Variants in ASTN2 observed in about 807,000 individuals in gnomAD.
ASTN2 encodes astrotactin 2.
A neutral mutation model predicts 139.8 loss-of-function variants in ASTN2; 54 were observed. That is an observed-to-expected ratio of 0.39 (90% confidence interval 0.31 to 0.48). The LOEUF (loss-of-function observed/expected upper bound fraction) is 0.48. ASTN2 is among the 20% of genes least tolerant of loss of function. The probability of loss-of-function intolerance (pLI) is 0.95; values close to 1 mark genes in which losing one functional copy is unlikely to be tolerated. For missense variants in ASTN2, 1,565 were observed against 1,725.1 expected, an observed-to-expected ratio of 0.91 and a Z score of 1.64; for synonymous variants, 756 against 719.5, an observed-to-expected ratio of 1.05 and a Z score of -0.81.
chr9:116,655,580 A>G (rs1190104848), intron 16 of ASTN2, among the ~76,000 whole-genome samples: 1 of 151,932 alleles, frequency 6.6e-6, no homozygotes, highest in Admixed American at 6.6e-5. Flanking sequence ...CTTCCACCCC[A>G]TCTCCAGCCC....
chr9:117,091,549 A>G (rs907450715), intron 5 of ASTN2, among the ~76,000 whole-genome samples: 4 of 151,938 alleles, frequency 2.6e-5, no homozygotes, highest in Admixed American at 6.6e-5. Context: ...AAAATATGCC[A>G]TTTAAGTGGA....
At chr9:116,693,646 C>T (rs1443700815) in intron 16 of ASTN2, among the ~76,000 whole-genome samples, 1 of 152,104 alleles carries the variant, frequency 6.6e-6, no homozygotes, top group East Asian at 1.9e-4. Context: ...AAGTGCACAA[C>T]AGGAAACAGA....
intron 5 of ASTN2, among the ~76,000 whole-genome samples, chr9:117,055,307 C>T (rs988729844): frequency 3.9e-5 from 6 of 152,282 alleles, no homozygotes; most frequent in East Asian, 3.9e-4. Context: ...AAGCGTGAAC[C>T]ATTAGGTATA....
chr9:116,742,191 G>A (rs1161929672), intron 13 of ASTN2, among the ~76,000 whole-genome samples: 3 of 152,348 alleles, frequency 2.0e-5, no homozygotes, highest in East Asian at 3.9e-4. Context: ...ACTTTGCAGT[G>A]TTTCAAGCTG....
chr9:117,391,926 C>G (rs952197659), intron 1 of ASTN2, among the ~76,000 whole-genome samples: 1 of 152,116 alleles, frequency 6.6e-6, no homozygotes, highest in Non-Finnish European at 1.5e-5. Flanking sequence ...GTCTGAAATC[C>G]GGCAGAATAG....
chr9:117,186,966 T>G (rs1449083959), intron 3 of ASTN2, among the ~76,000 whole-genome samples: 1 of 151,892 alleles, frequency 6.6e-6, no homozygotes, highest in East Asian at 1.9e-4. Flanking sequence ...CCATCTCTAC[T>G]AAAAACACAA....
intron 16 of ASTN2, among the ~76,000 whole-genome samples, chr9:116,676,844 TC>T (rs1178420832): frequency 7.2e-5 from 11 of 152,306 alleles, no homozygotes; most frequent in South Asian, 4.1e-4. Context: ...CTGAGGTTTT[TC>T]CCCCCATGGT....
intron 5 of ASTN2, among the ~76,000 whole-genome samples, chr9:117,065,680 C>T (rs7032395): frequency 0.14 from 20,587 of 152,116 alleles, 1,447 homozygotes; most frequent in East Asian, 0.19. Flanking sequence ...TGAGTATAAA[C>T]AAGTGACCTA....
At chr9:116,882,828 T>TAAAA (rs201560268) in intron 10 of ASTN2, among the ~76,000 whole-genome samples, 2 of 144,414 alleles carry the variant, frequency 1.4e-5, no homozygotes, top group Non-Finnish European at 3.0e-5. Flanking sequence ...CCTTGACTCT[T>TAAAA]AAAAAAAAAA....
intron 13 of ASTN2, among the ~76,000 whole-genome samples, chr9:116,763,015 A>G (rs541491926): frequency 1.8e-4 from 27 of 152,324 alleles, no homozygotes; most frequent in African/African-American, 6.5e-4. Flanking sequence ...AACTACTTCA[A>G]TTCCATGACT....
chr9:117,074,532 G>T (rs1037698595), intron 5 of ASTN2, among the ~76,000 whole-genome samples: 5 of 152,216 alleles, frequency 3.3e-5, no homozygotes, highest in African/African-American at 1.2e-4. Flanking sequence ...GTTTGTGGAA[G>T]TGTGAGCAGA....
chr9:117,354,176 CTG>C (rs1400785397), intron 1 of ASTN2, among the ~76,000 whole-genome samples: 2 of 152,112 alleles, frequency 1.3e-5, no homozygotes, highest in Admixed American at 6.6e-5. Context: ...AAGGAACTCT[CTG>C]TACTTCCTGC....
chr9:116,653,110 G>A (rs1223966636), intron 16 of ASTN2, among the ~76,000 whole-genome samples: 8 of 152,192 alleles, frequency 5.3e-5, no homozygotes, highest in Non-Finnish European at 1.5e-5. Flanking sequence ...GAGATCAGGG[G>A]CCATGGCTCC....
chr9:116,649,966 C>T (rs1178081296), intron 17 of ASTN2, among the ~76,000 whole-genome samples: 2 of 152,150 alleles, frequency 1.3e-5, no homozygotes, highest in East Asian at 3.9e-4. Context: ...ATGTTCTTTT[C>T]TTCCTTAGGT....
intron 2 of ASTN2, among the ~76,000 whole-genome samples, chr9:117,230,431 C>T (rs1326226509): frequency 6.6e-6 from 1 of 152,180 alleles, no homozygotes; most frequent in Non-Finnish European, 1.5e-5. Flanking sequence ...CTCTCCATCT[C>T]CTCTTCTTCT....
At chr9:117,193,503 T>C (rs1413433008) in intron 3 of ASTN2, among the ~76,000 whole-genome samples, 2 of 151,676 alleles carry the variant, frequency 1.3e-5, no homozygotes, top group Non-Finnish European at 2.9e-5. Flanking sequence ...CTGGGTGTGG[T>C]GGTGCACACC....
intron 6 of ASTN2, among the ~76,000 whole-genome samples, chr9:117,018,132 T>C (rs950198754): frequency 6.6e-6 from 1 of 152,086 alleles, no homozygotes; most frequent in African/African-American, 2.4e-5. Flanking sequence ...GGAACCACTG[T>C]GGGGTCCTAG....
intron 3 of ASTN2, chr9:117,180,575 T>C (rs920358538): frequency 1.3e-6 from 1 of 798,322 alleles, no homozygotes; most frequent in East Asian, 2.7e-5. Context: ...CAATCATTTA[T>C]TGACTGCTTA....
intron 1 of ASTN2, among the ~76,000 whole-genome samples, chr9:117,296,576 T>C (rs16934465): frequency 0.049 from 7,534 of 152,290 alleles, 650 homozygotes; most frequent in African/African-American, 0.17. Flanking sequence ...CAAGTCATAT[T>C]ACAATCAAAG....
Sources: allele counts gnomAD v4.1 joint callset (sites outside exome capture counted in the v4.1 genomes callset), GRCh38; gene constraint gnomAD v4.1.1; transcripts MANE v1.5; gene names NCBI Gene and HGNC (gene_info 2026-07-23, HGNC 2026-07-21).